ARB2A: variants seen among roughly 807,000 people sequenced by gnomAD.
The protein encoded by ARB2A is cotranscriptional regulator ARB2A.
the ARB2A span, among the ~76,000 whole-genome samples, chr5:93,963,062 G>A: frequency 6.6e-6 from 1 of 151,994 alleles, no homozygotes; most frequent in African/African-American, 2.4e-5. Flanking sequence ...TAATTGTGTT[G>A]TATCAATAAA....
At chr5:93,911,597 C>G in the ARB2A span, among the ~76,000 whole-genome samples, 1 of 150,952 alleles carries the variant, frequency 6.6e-6, no homozygotes, top group East Asian at 1.9e-4. Context: ...GTTCACCTTT[C>G]TACAGTTCAT....
At chr5:93,677,354 C>T in the ARB2A span, among the ~76,000 whole-genome samples, 1 of 152,202 alleles carries the variant, frequency 6.6e-6, no homozygotes, top group Non-Finnish European at 1.5e-5. Flanking sequence ...TATTCTGTCT[C>T]CCTCTGTTAA....
At chr5:93,735,342 C>T in the ARB2A span, 1 of 152,194 alleles carries the variant, frequency 6.6e-6, no homozygotes, top group Non-Finnish European at 1.5e-5. Flanking sequence ...ATTAGTGACA[C>T]ATAGAGGCTT....
At chr5:93,623,975 C>CA in the ARB2A span, among the ~76,000 whole-genome samples, 1 of 152,030 alleles carries the variant, frequency 6.6e-6, no homozygotes, top group South Asian at 2.1e-4. Context: ...AGACCATTTT[C>CA]AAAAATTTAG....
the ARB2A span, among the ~76,000 whole-genome samples, chr5:94,054,654 C>T: frequency 1.3e-5 from 2 of 152,028 alleles, no homozygotes; most frequent in African/African-American, 4.8e-5. Context: ...TCTATTCTTT[C>T]GAGGTGACTA....
the ARB2A span, chr5:93,866,098 T>C: frequency 1.0e-6 from 1 of 985,004 alleles, no homozygotes; most frequent in African/African-American, 1.7e-5. Flanking sequence ...TAAAATGTGA[T>C]AAAAGGTTTT....
the ARB2A span, among the ~76,000 whole-genome samples, chr5:93,705,254 A>G: frequency 6.6e-6 from 1 of 152,346 alleles, no homozygotes; most frequent in South Asian, 2.1e-4. Context: ...AAAGTTAACC[A>G]TAGGCCAAAA....
the ARB2A span, among the ~76,000 whole-genome samples, chr5:93,654,001 T>C: frequency 6.6e-6 from 1 of 152,224 alleles, no homozygotes; most frequent in African/African-American, 2.4e-5. Context: ...TAAAATAATT[T>C]AGTTCCGTTC....
the ARB2A span, among the ~76,000 whole-genome samples, chr5:93,650,295 A>C: frequency 5.3e-5 from 8 of 152,200 alleles, no homozygotes; most frequent in South Asian, 2.1e-4. Flanking sequence ...CTAAAAATAG[A>C]ATACTTTAAC....
chr5:94,069,529 A>G, the ARB2A span, among the ~76,000 whole-genome samples: 2 of 152,246 alleles, frequency 1.3e-5, no homozygotes, highest in African/African-American at 4.8e-5. Context: ...TTCACAAACT[A>G]TTTATCCAAC....
chr5:93,803,435 T>A, the ARB2A span, among the ~76,000 whole-genome samples: 2 of 151,786 alleles, frequency 1.3e-5, no homozygotes, highest in African/African-American at 4.8e-5. Context: ...CCTACTTCAA[T>A]TCCCTCTCCT....
At chr5:93,821,330 G>GT in the ARB2A span, among the ~76,000 whole-genome samples, 2 of 152,098 alleles carry the variant, frequency 1.3e-5, no homozygotes, top group African/African-American at 4.8e-5. Context: ...GTGTATGTGT[G>GT]TGTGTCATCT....
the ARB2A span, chr5:93,683,705 T>C: frequency 6.2e-7 from 1 of 1,611,208 alleles, no homozygotes; most frequent in African/African-American, 1.3e-5. Flanking sequence ...TCCATGTCCA[T>C]CGAATCTTCC....
At chr5:94,083,227 T>C in the ARB2A span, among the ~76,000 whole-genome samples, 1 of 152,190 alleles carries the variant, frequency 6.6e-6, no homozygotes, top group African/African-American at 2.4e-5. Flanking sequence ...TCATTAGTAT[T>C]TTCTACATAA....
the ARB2A span, among the ~76,000 whole-genome samples, chr5:93,848,208 C>A: frequency 7.9e-5 from 12 of 152,026 alleles, no homozygotes; most frequent in Admixed American, 6.6e-4. Context: ...CATGGTGAAA[C>A]CCCGTCTCTA....
the ARB2A span, among the ~76,000 whole-genome samples, chr5:93,972,156 G>A: frequency 3.9e-5 from 6 of 152,096 alleles, no homozygotes; most frequent in Non-Finnish European, 8.8e-5. Context: ...ACACTGGCTG[G>A]GGGAGGGTGC....
chr5:93,941,097 T>C, the ARB2A span, among the ~76,000 whole-genome samples: 8 of 152,274 alleles, frequency 5.3e-5, no homozygotes, highest in African/African-American at 1.9e-4. Flanking sequence ...TTGATGACAC[T>C]TTTCTCTAGG....
At chr5:94,046,150 CAGAAAT>C in the ARB2A span, among the ~76,000 whole-genome samples, 8 of 152,138 alleles carry the variant, frequency 5.3e-5, no homozygotes, top group Non-Finnish European at 8.8e-5. Context: ...ACGCATGACT[CAGAAAT>C]GGAAATTATG....
the ARB2A span, among the ~76,000 whole-genome samples, chr5:93,825,504 T>C: frequency 6.6e-6 from 1 of 152,216 alleles, no homozygotes; most frequent in Non-Finnish European, 1.5e-5. Flanking sequence ...ATAAATTTGA[T>C]GCTTGTTCTT....
Sources: gnomAD v4.1 joint callset for allele counts (sites outside exome capture counted in the v4.1 genomes callset) on GRCh38, gnomAD v4.1.1 for gene constraint, MANE v1.5 for transcripts, NCBI Gene and HGNC (gene_info 2026-07-23, HGNC 2026-07-21) for gene names.